Variants in F11R observed in about 807,000 individuals in gnomAD.
F11R encodes junctional adhesion molecule A.
A neutral mutation model predicts 39.3 loss-of-function variants in F11R; 27 were observed. The ratio of observed to expected loss-of-function variants is 0.69; its 90% CI spans 0.51 to 0.95. The LOEUF is 0.95. Among genes scored for constraint, F11R ranks in the 40% least tolerant of loss-of-function variants. The probability of loss-of-function intolerance (pLI) is 0.00; values close to 1 mark genes in which losing one functional copy is unlikely to be tolerated. For synonymous variants in F11R, 131 were observed against 144.9 expected, an observed-to-expected ratio of 0.90 and a Z score of 0.69; for missense variants, 335 against 372.7, an observed-to-expected ratio of 0.90 and a Z score of 0.83.
chr1:161,010,973 TAAAA>T (rs747869704), intron 1 of F11R, among the ~76,000 whole-genome samples: 31 of 111,140 alleles, frequency 2.8e-4, no homozygotes, highest in Middle Eastern at 5.1e-3. Context: ...GACTCCATCT[TAAAA>T]AAAAAAAAAA....
chr1:160,999,051 G>A lies in F11R; in HGVS notation c.856C>T (p.Arg286Ter), dbSNP rs754154040. 15 of 1,614,018 alleles carry A rather than the reference G, an allele frequency of 9.3e-6. No individual in the cohort carries two copies. Among genetic ancestry groups the A allele is most frequent in the South Asian group, 5.5e-5 (5 of 91,086 alleles). ...KKVIYSQPSA[R>*]SEGEFKQTSS... ...AGGGGAGGCATACTCACTTCACTTC[G>A]GGCACTAGGCTGGCTGTAAATCACC... The change falls in exon 9 of 10, where the codon CGA becomes TGA. Residue 286 changes from arginine (R) to a stop codon, truncating the protein, a stop_gained. Coordinates refer to ENST00000368026, the MANE Select transcript of F11R (RefSeq NM_016946.6). LOFTEE classifies it high-confidence loss of function.
chr1:161,009,506 G>C (rs2247799), intron 1 of F11R, among the ~76,000 whole-genome samples: 1 of 150,788 alleles, frequency 6.6e-6, no homozygotes, highest in Non-Finnish European at 1.5e-5. Context: ...GCCCATGAAC[G>C]CCTATAACAC....
chr1:161,016,798 G>A (rs1304204863), intron 1 of F11R, among the ~76,000 whole-genome samples: 1 of 152,202 alleles, frequency 6.6e-6, no homozygotes, highest in Non-Finnish European at 1.5e-5. Flanking sequence ...TTCACTCCTG[G>A]GAGTAGAGGG....
intron 1 of F11R, among the ~76,000 whole-genome samples, chr1:161,012,816 G>C (rs967072842): frequency 1.3e-5 from 2 of 151,722 alleles, no homozygotes; most frequent in African/African-American, 4.8e-5. Flanking sequence ...GTAGAAACAG[G>C]GTTTCACCAT....
intron 1 of F11R, among the ~76,000 whole-genome samples, chr1:161,004,741 G>A (rs946667665): frequency 3.9e-4 from 58 of 149,562 alleles, no homozygotes; most frequent in Admixed American, 3.4e-3. Context: ...AAAGAAAACC[G>A]AGCTGTTTCT....
chr1:161,020,828 G>A (rs897715439), intron 1 of F11R, among the ~76,000 whole-genome samples, 182 bp downstream of exon 1: 6 of 152,210 alleles, frequency 3.9e-5, no homozygotes, highest in Non-Finnish European at 8.8e-5. Flanking sequence ...AGGGGAGCCA[G>A]CCACTCACCC....
intron 1 of F11R, among the ~76,000 whole-genome samples, chr1:161,005,857 C>T (rs1295769830): frequency 2.0e-5 from 3 of 151,942 alleles, no homozygotes; most frequent in Non-Finnish European, 4.4e-5. Context: ...TGCTAATAGG[C>T]TGGGCATGGC....
At chr1:161,018,354 A>G (rs1236847857) in intron 1 of F11R, among the ~76,000 whole-genome samples, 1 of 152,144 alleles carries the variant, frequency 6.6e-6, no homozygotes, top group Non-Finnish European at 1.5e-5. Flanking sequence ...TGGGCAACCT[A>G]TCCACGCCTC....
intron 7 of F11R, 28 bp downstream of exon 7, chr1:160,999,612 A>G (rs1557888903): frequency 5.6e-6 from 9 of 1,600,550 alleles, no homozygotes; most frequent in Non-Finnish European, 8.6e-7. Flanking sequence ...GGCAGTACAA[A>G]GGAGAGCCTC....
rs1329042715 is a variant in F11R at position 161,001,331 on chromosome 1, A to G, written c.87T>C (p.Val29=). Residue 29 remains valine (V), a synonymous_variant, in exon 2 of 10, where the codon GTT becomes GTC. Coordinates refer to ENST00000368026, the MANE Select transcript of F11R (RefSeq NM_016946.6). The stretch of plus-strand genomic sequence containing the variant: ...CTTCAGGTTCAGAAGAGTGCACTGT[A>G]ACACTGCCCAATGCCAGGGAGCCTA... ...ILLCSLALGS[V]TVHSSEPEVR... is the part of the protein sequence containing the mutation. The G allele has an allele frequency of 6.2e-7, 1 of 1,613,968 alleles. No homozygotes were observed. Among genetic ancestry groups the G allele is most frequent in the African/African-American group, 1.3e-5 (1 of 74,928 alleles).
chr1:161,007,419 C>T (rs931907308), intron 1 of F11R, among the ~76,000 whole-genome samples: 1 of 151,472 alleles, frequency 6.6e-6, no homozygotes, highest in East Asian at 1.9e-4. Context: ...GAGCCAAGAT[C>T]GTGCCATTGC....
chr1:161,016,398 C>T (rs2101990031), intron 1 of F11R, among the ~76,000 whole-genome samples: 2 of 151,446 alleles, frequency 1.3e-5, no homozygotes, highest in East Asian at 3.9e-4. Context: ...ATGGCATGAA[C>T]CCGGGAGGTG....
At chr1:161,005,490 GC>G (rs934000342) in intron 1 of F11R, among the ~76,000 whole-genome samples, 5 of 152,080 alleles carry the variant, frequency 3.3e-5, no homozygotes, top group African/African-American at 1.2e-4. Flanking sequence ...TCCTGCCTCA[GC>G]CTCCTGAGTA....
At chr1:161,012,486 C>T (rs1318605267) in intron 1 of F11R, among the ~76,000 whole-genome samples, 1 of 151,244 alleles carries the variant, frequency 6.6e-6, no homozygotes, top group Non-Finnish European at 1.5e-5. Flanking sequence ...AGAAGAAATA[C>T]AACATAAAAA....
chr1:161,015,918 A>G (rs2039223), intron 1 of F11R, among the ~76,000 whole-genome samples: 119,774 of 151,944 alleles, frequency 0.79, 47,298 homozygotes, highest in East Asian at 0.85. Flanking sequence ...AACCATGTCA[A>G]TTAACCTATT....
At chr1:161,012,139 G>A (rs560565084) in intron 1 of F11R, among the ~76,000 whole-genome samples, 2 of 152,188 alleles carry the variant, frequency 1.3e-5, no homozygotes, top group Admixed American at 6.5e-5. Flanking sequence ...AGCACTGCTG[G>A]GGTGAGAAGA....
chr1:160,996,461 A>C lies in F11R; in HGVS notation c.*2410T>G, dbSNP rs1648127455. On this transcript the variant is annotated 3_prime_UTR_variant, in exon 10 of 10. Coordinates refer to ENST00000368026, the MANE Select transcript of F11R (RefSeq NM_016946.6). ...TCTTCCAACCATGACACAGAACTGA[A>C]ACATACTTTAAAAATCTCATCCTTG... 1 of 152,250 alleles carries C rather than the reference A, an allele frequency of 6.6e-6. No individual in the cohort carries two copies. Among genetic ancestry groups the C allele is most frequent in the African/African-American group, 2.4e-5 (1 of 41,424 alleles). The allele number at this position is 152,250 out of a possible 1,614,324, so 9.4% of individuals were successfully genotyped here.
chr1:161,020,893 G>T, intron 1 of F11R, 117 bp downstream of exon 1: 1 of 892,764 alleles, frequency 1.1e-6, no homozygotes, highest in African/African-American at 1.6e-5. Context: ...ATAATTCGCA[G>T]AACGATATAG....
Position 161,001,371 on chromosome 1 carries a change from GGT to G in F11R, c.65-20_65-19del, listed in dbSNP as rs768577558. 1.2e-6 allele frequency: 2 copies of G among 1,608,742 alleles called. No individual in the cohort carries two copies. The highest frequency in any genetic ancestry group is 2.2e-5 in the South Asian group (2 of 91,020). ...CAGGGAGCCTAAGGAGAAAGAAAGAGGTGGGCCCTGTCAGGAGTGGACAGAGA... is the reference window on the plus strand; with the variant it reads ...CAGGGAGCCTAAGGAGAAAGAAAGAGGGGCCCTGTCAGGAGTGGACAGAGA... On this transcript the variant is annotated intron_variant, in intron 1 of 9. Transcript: ENST00000368026.
Sources: allele counts gnomAD v4.1 joint callset (sites outside exome capture counted in the v4.1 genomes callset), GRCh38; gene constraint gnomAD v4.1.1; transcripts MANE v1.5; gene names NCBI Gene and HGNC (gene_info 2026-07-23, HGNC 2026-07-21).